PEBP4: variants seen among roughly 807,000 people sequenced by gnomAD.
PEBP4 encodes the protein phosphatidylethanolamine binding protein 4, also known as phosphatidylethanolamine-binding protein 4.
Under a neutral mutation model 23.9 loss-of-function variants are expected in PEBP4, and 22 were observed. The ratio of observed to expected loss-of-function variants is 0.92; its 90% CI spans 0.66 to 1.31. The LOEUF (loss-of-function observed/expected upper bound fraction) is 1.31. Among genes scored for constraint, PEBP4 ranks in the 40% most tolerant of loss-of-function variants. PEBP4 has a pLI of 0.00. For synonymous variants in PEBP4, 112 were observed against 99.3 expected, an observed-to-expected ratio of 1.13 and a Z score of -0.76; for missense variants, 324 against 281.7, an observed-to-expected ratio of 1.15 and a Z score of -1.07.
chr8:22,800,832 A>G (rs1345526739), intron 4 of PEBP4, among the ~76,000 whole-genome samples: 2 of 152,082 alleles, frequency 1.3e-5, no homozygotes, highest in East Asian at 3.9e-4. Flanking sequence ...ACTGTGGGAG[A>G]ATGCCAGTTT....
At position 22,775,116 on chromosome 8, in the gene PEBP4, G is replaced by A. The variant is rs1366305402; in HGVS notation, c.357+42521C>T. Among the ~76,000 whole-genome samples, 2 of 152,230 alleles carry A rather than the reference G, an allele frequency of 1.3e-5. No individual in the cohort carries two copies. Among genetic ancestry groups the A allele is most frequent in the African/African-American group, 4.8e-5 (2 of 41,462 alleles). On this transcript the variant is annotated intron_variant, in intron 4 of 6. Transcript: ENST00000256404. The surrounding 1 kb of genome is among the most constrained non-coding windows in gnomAD (Gnocchi z 4.8). ...ATTTTCCGTTGCCTCTCTGGCATCAGTTTCCCCACCTGTACCATAAGAGAC... is the reference window on the plus strand; with the variant it reads ...ATTTTCCGTTGCCTCTCTGGCATCAATTTCCCCACCTGTACCATAAGAGAC...
chr8:22,770,417 G>A (rs563555202), intron 4 of PEBP4, among the ~76,000 whole-genome samples: 6 of 152,332 alleles, frequency 3.9e-5, no homozygotes, highest in African/African-American at 1.2e-4. Flanking sequence ...CTGTGTGTTC[G>A]ATGCCCCTCT....
At chr8:22,813,219 G>C (rs547666544) in intron 4 of PEBP4, among the ~76,000 whole-genome samples, 2 of 152,214 alleles carry the variant, frequency 1.3e-5, no homozygotes, top group African/African-American at 4.8e-5. Flanking sequence ...AGAATTGGTT[G>C]CATTTACAGT....
At chr8:22,773,895 G>C (rs1297217139) in intron 4 of PEBP4, among the ~76,000 whole-genome samples, 2 of 152,114 alleles carry the variant, frequency 1.3e-5, no homozygotes, top group Non-Finnish European at 2.9e-5. Flanking sequence ...GAGGACGATG[G>C]GAGAGTTGGG....
chr8:22,806,614 C>CAA (rs55944201), intron 4 of PEBP4, among the ~76,000 whole-genome samples: 7,017 of 85,692 alleles, frequency 0.082, 336 homozygotes, highest in African/African-American at 0.16. Context: ...GACTGTGTCT[C>CAA]AAAAAAAAAA....
chr8:22,796,991 C>G (rs1390204965), intron 4 of PEBP4, among the ~76,000 whole-genome samples: 3 of 150,778 alleles, frequency 2.0e-5, no homozygotes, highest in Non-Finnish European at 4.4e-5. Flanking sequence ...CACGGTGGTT[C>G]ATGCCTATAA....
intron 2 of PEBP4, among the ~76,000 whole-genome samples, chr8:22,925,697 G>A (rs1809312341): frequency 6.6e-6 from 1 of 152,168 alleles, no homozygotes; most frequent in Non-Finnish European, 1.5e-5. Context: ...TGACCCTACA[G>A]ACATCCTCAT....
Position 22,920,324 on chromosome 8 carries a change from G to T in PEBP4, c.132-14C>A, listed in dbSNP as rs752115793. 3.1e-6 allele frequency: 5 copies of T among 1,604,990 alleles called. No homozygotes were observed. In the South Asian group the frequency reaches 5.5e-5, roughly 18 times the overall value. On this transcript the variant is annotated splice_polypyrimidine_tract_variant and intron_variant, in intron 2 of 6. Coordinates refer to ENST00000256404, the MANE Select transcript of PEBP4 (RefSeq NM_144962.3). ...ACTTCAAGGCCCCTATGAAGAGAGA[G>T]GGGAGGTTGCCCTGTGTCAGGGTTT...
intron 4 of PEBP4, among the ~76,000 whole-genome samples, chr8:22,778,099 G>A (rs556978870): frequency 6.6e-6 from 1 of 152,208 alleles, no homozygotes; most frequent in African/African-American, 2.4e-5. Context: ...CCTGGAATTT[G>A]GGGGAGGCTG....
At chr8:22,871,500 G>T (rs1391264765) in intron 3 of PEBP4, among the ~76,000 whole-genome samples, 1 of 149,328 alleles carries the variant, frequency 6.7e-6, no homozygotes, top group Non-Finnish European at 1.5e-5. Flanking sequence ...AGGTTTTAGG[G>T]TACAGGTGGT....
intron 4 of PEBP4, among the ~76,000 whole-genome samples, chr8:22,778,279 C>A (rs1477094622): frequency 6.6e-6 from 1 of 152,094 alleles, no homozygotes; most frequent in African/African-American, 2.4e-5. Context: ...CCCAACTGCC[C>A]CCGGTGGACA....
At chr8:22,910,815 A>C (rs1808921569) in intron 3 of PEBP4, among the ~76,000 whole-genome samples, 1 of 152,236 alleles carries the variant, frequency 6.6e-6, no homozygotes, top group South Asian at 2.1e-4. Flanking sequence ...GGAGGCATGA[A>C]TAGGTGAAGC....
At chr8:22,779,484 C>G (rs1462038785) in intron 4 of PEBP4, among the ~76,000 whole-genome samples, 1 of 152,094 alleles carries the variant, frequency 6.6e-6, no homozygotes, top group Non-Finnish European at 1.5e-5. Context: ...TTTAGCAGAG[C>G]ATCTGGGTCC....
intron 4 of PEBP4, among the ~76,000 whole-genome samples, chr8:22,811,510 G>A (rs2128760689): frequency 6.6e-6 from 1 of 152,338 alleles, no homozygotes; most frequent in South Asian, 2.1e-4. Flanking sequence ...ATAAGGAGAT[G>A]GCAGGGGCAC....
At chr8:22,740,707 C>T (rs76102756) in intron 4 of PEBP4, among the ~76,000 whole-genome samples, 4,075 of 152,264 alleles carry the variant, frequency 0.027, 171 homozygotes, top group African/African-American at 0.091. Context: ...GGGGCTCACC[C>T]TTCCCCCTGT....
chr8:22,799,717 C>T (rs962052158), intron 4 of PEBP4, among the ~76,000 whole-genome samples: 2 of 152,228 alleles, frequency 1.3e-5, no homozygotes, highest in African/African-American at 4.8e-5. Context: ...CCCAATCCCA[C>T]GACAGGCCCT....
chr8:22,825,715 T>G (rs1227527814), intron 3 of PEBP4, among the ~76,000 whole-genome samples: 1 of 152,166 alleles, frequency 6.6e-6, no homozygotes, highest in Non-Finnish European at 1.5e-5. Flanking sequence ...GATCCAGCAA[T>G]CACACTTTGG....
chr8:22,872,454 A>G (rs544288630), intron 3 of PEBP4, among the ~76,000 whole-genome samples: 138 of 152,352 alleles, frequency 9.1e-4, no homozygotes, highest in Non-Finnish European at 1.5e-3. Flanking sequence ...AGCCCTGTGC[A>G]GTGGAACCTG....
In PEBP4 at chr8:22,876,551, C is replaced by T. The variant is rs117629491; in HGVS notation, c.258+43633G>A. Reference sequence around the variant, plus strand: ...AGCAAGAAACTCAGGAGAGAGGTCACCATCCAGTGATGAAGGCACTACCAG... The same window carrying T: ...AGCAAGAAACTCAGGAGAGAGGTCATCATCCAGTGATGAAGGCACTACCAG... On this transcript the variant is annotated intron_variant, in intron 3 of 6. Transcript: ENST00000256404. 6.9e-3 allele frequency among the ~76,000 whole-genome samples: 1,047 copies of T among 152,282 alleles called. 10 individuals are homozygous for T. The highest frequency in any genetic ancestry group is 0.041 in the East Asian group (213 of 5,178).
Sources: gnomAD v4.1 joint callset for allele counts (sites outside exome capture counted in the v4.1 genomes callset) on GRCh38, gnomAD v4.1.1 for gene constraint, Gnocchi (gnomAD v3.1) non-coding constraint, MANE v1.5 for transcripts, NCBI Gene and HGNC (gene_info 2026-07-23, HGNC 2026-07-21) for gene names.